CMIP: variants seen among roughly 807,000 people sequenced by gnomAD.
CMIP encodes c-Maf inducing protein.
Under a neutral mutation model 97.3 loss-of-function variants are expected in CMIP, and 13 were observed. That is an observed-to-expected ratio of 0.13 (90% CI 0.09 to 0.21). CMIP has a LOEUF of 0.21. CMIP is among the 10% of genes least tolerant of loss of function. The probability of loss-of-function intolerance (pLI) is 1.00; values close to 1 mark genes in which losing one functional copy is unlikely to be tolerated. For synonymous variants in CMIP, 538 were observed against 436.3 expected, an observed-to-expected ratio of 1.23 and a Z score of -2.91; for missense variants, 847 against 1,024.9, an observed-to-expected ratio of 0.83 and a Z score of 2.37.
chr16:81,650,679 C>T (rs894941743), intron 3 of CMIP, among the ~76,000 whole-genome samples: 6 of 152,062 alleles, frequency 3.9e-5, no homozygotes, highest in Admixed American at 6.5e-5. Context: ...TCTCAGCGTT[C>T]CTTTTTGTGA....
At position 81,453,263 on chromosome 16, in the gene CMIP, C is replaced by A. The variant is rs1053809546; in HGVS notation, c.300+7722C>A. ...GGACGGAGCGACTAAACTGATTGTGCTGGGCGAACTCTTTTTGGAGGGAAG... is the reference window on the plus strand; with the variant it reads ...GGACGGAGCGACTAAACTGATTGTGATGGGCGAACTCTTTTTGGAGGGAAG... On this transcript the variant is annotated intron_variant, in intron 1 of 20. Transcript: ENST00000537098. This position sits in a 1 kb window ranked among gnomAD's most constrained non-coding sequence, Gnocchi z 4.0. Among the ~76,000 whole-genome samples the A allele has an allele frequency of 3.3e-5, 5 of 152,196 alleles. No individual in the cohort carries two copies. The highest frequency in any genetic ancestry group is 2.9e-5 in the Non-Finnish European group (2 of 68,034).
chr16:81,457,181 C>G (rs927272624), intron 1 of CMIP, among the ~76,000 whole-genome samples: 1 of 152,020 alleles, frequency 6.6e-6, no homozygotes, highest in African/African-American at 2.4e-5. Context: ...CCGACCCCCC[C>G]GCCAGTCAGT....
chr16:81,602,946 A>C (rs1196774284), intron 1 of CMIP, among the ~76,000 whole-genome samples: 1 of 152,234 alleles, frequency 6.6e-6, no homozygotes, highest in Non-Finnish European at 1.5e-5. Flanking sequence ...GTGCCTGGGC[A>C]GTGTTAGCTC....
intron 1 of CMIP, among the ~76,000 whole-genome samples, chr16:81,449,465 AC>A (rs1906070060): frequency 6.6e-6 from 1 of 152,212 alleles, no homozygotes; most frequent in Non-Finnish European, 1.5e-5. Context: ...GCTAAGAGTT[AC>A]ACATCCACAT....
chr16:81,533,179 TCTTA>T (rs1215803233), intron 1 of CMIP, among the ~76,000 whole-genome samples: 16 of 152,248 alleles, frequency 1.1e-4, no homozygotes, highest in African/African-American at 3.9e-4. Context: ...ACCACGCGTT[TCTTA>T]CTTATTTTGT....
chr16:81,577,062 T>C (rs12934751), intron 1 of CMIP, among the ~76,000 whole-genome samples: 55,890 of 121,018 alleles, frequency 0.46, 13,128 homozygotes, highest in South Asian at 0.56. Context: ...CCATCACCTT[T>C]ATCACCACCA....
chr16:81,524,303 G>C (rs1342458334), intron 1 of CMIP, among the ~76,000 whole-genome samples: 1 of 152,234 alleles, frequency 6.6e-6, no homozygotes, highest in East Asian at 1.9e-4. Flanking sequence ...ACATGAAACA[G>C]AGATGGTGTC....
At position 81,711,617 on chromosome 16, in the gene CMIP, GGA is replaced by G. The variant is rs1050108433; in HGVS notation, c.*1819_*1820del. 8 of 31,124 alleles carry G rather than the reference GGA, an allele frequency of 2.6e-4. No homozygotes were observed. The highest frequency in any genetic ancestry group is 1.4e-3 in the South Asian group (1 of 722). The allele number at this position is 31,124 out of a possible 1,614,324, so 1.9% of individuals were successfully genotyped here. A position where few individuals can be genotyped will look rare whatever the true frequency, so the allele number is the denominator to read the frequency against. ...AAATAAAAATAAAAAAAATAAAAAAGGAAAAAAAAAAAAGAAGAAACAAGACA... is the reference window on the plus strand; with the variant it reads ...AAATAAAAATAAAAAAAATAAAAAAGAAAAAAAAAAAGAAGAAACAAGACA... On this transcript the variant is annotated 3_prime_UTR_variant, in exon 21 of 21. Coordinates refer to ENST00000537098, the MANE Select transcript of CMIP (RefSeq NM_198390.3).
chr16:81,445,837 G>C (rs932824214), intron 1 of CMIP, among the ~76,000 whole-genome samples: 8 of 151,904 alleles, frequency 5.3e-5, no homozygotes, highest in African/African-American at 1.9e-4. Flanking sequence ...TGTGTTTCTG[G>C]TGGCTGGGAC....
chr16:81,566,348 A>T (rs1243647739), intron 1 of CMIP, among the ~76,000 whole-genome samples: 1 of 152,174 alleles, frequency 6.6e-6, no homozygotes, highest in Non-Finnish European at 1.5e-5. Context: ...CTGTTCTTTC[A>T]GACAGTGAAG....
intron 3 of CMIP, among the ~76,000 whole-genome samples, chr16:81,626,976 C>T (rs546448939): frequency 4.0e-5 from 5 of 125,466 alleles, no homozygotes; most frequent in South Asian, 5.4e-4. Context: ...GCATATGGGG[C>T]GACTATTTTA....
chr16:81,690,148 G>C (rs1035742759), intron 10 of CMIP, among the ~76,000 whole-genome samples: 1 of 152,052 alleles, frequency 6.6e-6, no homozygotes, highest in Non-Finnish European at 1.5e-5. Flanking sequence ...GCTCTTTTTT[G>C]GTTCCATATG....
At chr16:81,594,494 C>G (rs552320763) in intron 1 of CMIP, among the ~76,000 whole-genome samples, 98 of 152,204 alleles carry the variant, frequency 6.4e-4, no homozygotes, top group Non-Finnish European at 1.9e-4. Context: ...AGCAGTCCCC[C>G]CTTTCCCATG....
chr16:81,580,984 C>T (rs2091287152), intron 1 of CMIP, among the ~76,000 whole-genome samples: 2 of 152,206 alleles, frequency 1.3e-5, no homozygotes, highest in South Asian at 4.2e-4. Context: ...TCTTTTTGGG[C>T]TTTCCTCTTC....
chr16:81,514,515 T>G (rs930845565), intron 1 of CMIP, among the ~76,000 whole-genome samples: 4 of 152,202 alleles, frequency 2.6e-5, no homozygotes, highest in African/African-American at 9.7e-5. Context: ...CCTCCATTCT[T>G]CATCTGCAAA....
At chr16:81,680,576 C>T (rs1409847597) in intron 10 of CMIP, among the ~76,000 whole-genome samples, 6 of 152,226 alleles carry the variant, frequency 3.9e-5, no homozygotes, top group African/African-American at 1.4e-4. Flanking sequence ...GTCCCAGCAG[C>T]AGAGGTCAGG....
chr16:81,541,813 T>C (rs2090454478), intron 1 of CMIP, among the ~76,000 whole-genome samples: 1 of 152,198 alleles, frequency 6.6e-6, no homozygotes, highest in African/African-American at 2.4e-5. Context: ...GCATCAGGCA[T>C]GCGTTTATGT....
chr16:81,533,460 T>G (rs916888654), intron 1 of CMIP, among the ~76,000 whole-genome samples: 1 of 152,226 alleles, frequency 6.6e-6, no homozygotes, highest in African/African-American at 2.4e-5. Context: ...ATTGTCATTA[T>G]GTGCTTTATT....
At chr16:81,565,805 C>A (rs920696349) in intron 1 of CMIP, among the ~76,000 whole-genome samples, 11 of 152,218 alleles carry the variant, frequency 7.2e-5, no homozygotes, top group Non-Finnish European at 2.9e-5. Flanking sequence ...CTGTCTGCCT[C>A]CTTCTGGGGC....
Sources: allele counts gnomAD v4.1 joint callset (sites outside exome capture counted in the v4.1 genomes callset), GRCh38; gene constraint gnomAD v4.1.1; non-coding constraint Gnocchi (gnomAD v3.1); transcripts MANE v1.5; gene names NCBI Gene and HGNC (gene_info 2026-07-23, HGNC 2026-07-21).